The following JCAD variants were observed in gnomAD, a reference collection of about 807,000 sequenced individuals.
The protein encoded by JCAD is junctional cadherin 5-associated protein.
In JCAD, 40 loss-of-function variants were observed where a neutral mutation model predicts 98.0. That is an observed-to-expected ratio of 0.41 (90% confidence interval 0.32 to 0.53). The LOEUF is 0.53. Ranked by LOEUF, JCAD falls within the 20% of genes least tolerant of loss-of-function variation. The pLI is 0.31. For missense variants in JCAD, 1,705 were observed against 1,738.1 expected (o/e 0.98, Z 0.34); for synonymous variants, 691 against 682.3 (o/e 1.01, Z -0.20).
At chr10:30,090,317 G>A (rs1838238703) in intron 1 of JCAD, among the ~76,000 whole-genome samples, 1 of 152,196 alleles carries the variant, frequency 6.6e-6, no homozygotes, top group South Asian at 2.1e-4. Flanking sequence ...TGAGGCGGGT[G>A]GATCACTTGA....
At chr10:30,075,580 C>G (rs977716940) in intron 1 of JCAD, among the ~76,000 whole-genome samples, 2 of 152,170 alleles carry the variant, frequency 1.3e-5, no homozygotes, top group Non-Finnish European at 2.9e-5. Flanking sequence ...AAAGCCCTAC[C>G]CTTTCTTAAC....
At chr10:30,099,803 T>A (rs1003420458) in intron 1 of JCAD, among the ~76,000 whole-genome samples, 3 of 152,134 alleles carry the variant, frequency 2.0e-5, no homozygotes, top group African/African-American at 7.2e-5. Flanking sequence ...CTTAACTTCC[T>A]CGTAAAGTAA....
At chr10:30,088,977 C>CA (rs1447408428) in intron 1 of JCAD, among the ~76,000 whole-genome samples, 5 of 151,992 alleles carry the variant, frequency 3.3e-5, no homozygotes, top group African/African-American at 1.2e-4. Flanking sequence ...GATGCCATCT[C>CA]AAAAAATAAA....
chr10:30,107,367 T>C (rs1031616461), intron 1 of JCAD, among the ~76,000 whole-genome samples: 8 of 152,226 alleles, frequency 5.3e-5, no homozygotes, highest in African/African-American at 1.4e-4. Flanking sequence ...CTGCTCATTA[T>C]ATGCTAATTA....
intron 2 of JCAD, among the ~76,000 whole-genome samples, chr10:30,066,579 C>G (rs556910018): frequency 6.6e-6 from 1 of 152,178 alleles, no homozygotes; most frequent in Non-Finnish European, 1.5e-5. Context: ...CGGGGGGATG[C>G]CAATGTGGCT....
At chr10:30,063,982 T>C (rs1353175336), upstream of JCAD, among the ~76,000 whole-genome samples, 1 of 152,148 alleles carries the variant, frequency 6.6e-6, no homozygotes, top group Non-Finnish European at 1.5e-5. Context: ...AATTTTTGCA[T>C]TTTTAGTAGA....
intron 1 of JCAD, among the ~76,000 whole-genome samples, chr10:30,082,851 C>CA (rs57450219): frequency 0.019 from 1,285 of 68,332 alleles, 60 homozygotes; most frequent in East Asian, 0.036. Context: ...AACTCTGTCT[C>CA]AAAAAAAAAA....
At chr10:30,036,714 C>T (rs1298278007) in intron 2 of JCAD, among the ~76,000 whole-genome samples, 1 of 152,258 alleles carries the variant, frequency 6.6e-6, no homozygotes, top group Non-Finnish European at 1.5e-5. Context: ...ACCCTTCCCT[C>T]CTCCATGAAC....
intron 2 of JCAD, 24 bp downstream of exon 2, chr10:30,047,508 C>T (rs761960456): frequency 1.6e-5 from 26 of 1,592,948 alleles, no homozygotes; most frequent in East Asian, 1.1e-4. Flanking sequence ...CAAAAGAAAA[C>T]GGTGGGTTCA....
chr10:30,044,940 AG>A, intron 2 of JCAD: 1 of 227,628 alleles, frequency 4.4e-6, no homozygotes, highest in Non-Finnish European at 7.3e-6. Flanking sequence ...TTTCTACCCT[AG>A]GAGCCAACCT....
chr10:30,021,759 G>C (rs1301362213), intron 3 of JCAD, among the ~76,000 whole-genome samples: 2 of 152,120 alleles, frequency 1.3e-5, no homozygotes, highest in African/African-American at 4.8e-5. Context: ...TACAATATTG[G>C]ACAGCACAGG....
intron 1 of JCAD, among the ~76,000 whole-genome samples, chr10:30,087,934 G>T (rs868360482): frequency 6.6e-6 from 1 of 152,174 alleles, no homozygotes; most frequent in Admixed American, 6.6e-5. Flanking sequence ...TCTGCCTCCC[G>T]GGTTGAAGCC....
chr10:30,072,828 T>A (rs1402650509), intron 1 of JCAD, among the ~76,000 whole-genome samples: 2 of 152,124 alleles, frequency 1.3e-5, no homozygotes, highest in African/African-American at 4.8e-5. Context: ...GTTTTTGTAT[T>A]TTTAGTAGAG....
Position 30,027,589 on chromosome 10 carries a change from G to GCTGCTGCTGCTA in JCAD, c.2558_2559insTAGCAGCAGCAG (p.Ser856_Ser859dup). ...TCTCCTCACTGCTGCTGCTGCTGCT[G>GCTGCTGCTGCTA]CTGCTGCTACTGCTGCTTTCTTCCT... On this transcript the variant is annotated inframe_insertion, in exon 3 of 4. Coordinates refer to ENST00000375377, the MANE Select transcript of JCAD (RefSeq NM_020848.4). 1 of 1,614,208 alleles carries GCTGCTGCTGCTA rather than the reference G, an allele frequency of 6.2e-7. No homozygotes were observed. Among genetic ancestry groups the GCTGCTGCTGCTA allele is most frequent in the Non-Finnish European group, 8.5e-7 (1 of 1,180,024 alleles).
At chr10:30,092,852 G>T (rs1838307594) in intron 1 of JCAD, among the ~76,000 whole-genome samples, 2 of 152,114 alleles carry the variant, frequency 1.3e-5, no homozygotes, top group South Asian at 4.1e-4. Context: ...TTACTGCTTA[G>T]CATCTCCAAC....
chr10:30,017,766 G>C lies in JCAD; in HGVS notation c.*117C>G. ...CAGTGGTAAAGAATGTTATCAGGAT[G>C]CTAAAAACTCAGCAGCTTCCAGCTT... On this transcript the variant is annotated 3_prime_UTR_variant, in exon 4 of 4. Transcript: ENST00000375377. The C allele has an allele frequency of 2.2e-6, 2 of 890,204 alleles. No individual in the cohort carries two copies. Among genetic ancestry groups the C allele is most frequent in the East Asian group, 5.0e-5 (2 of 40,066 alleles). The allele number at this position is 890,204 out of a possible 1,614,324, so 55.1% of individuals were successfully genotyped here.
chr10:30,114,846 G>A (rs953012731), intron 1 of JCAD, among the ~76,000 whole-genome samples: 2 of 151,964 alleles, frequency 1.3e-5, no homozygotes, highest in Non-Finnish European at 2.9e-5. Context: ...TAGATAGATA[G>A]ATAGATAGAT....
In JCAD at chr10:30,028,086, C is replaced by A; in HGVS notation, c.2062G>T (p.Asp688Tyr). The change falls in exon 3 of 4, where the codon GAT becomes TAT. Residue 688 changes from aspartate to tyrosine, a missense_variant. Physicochemically the swap from Asp to Tyr is radical, Grantham distance 160. Coordinates refer to ENST00000375377, the MANE Select transcript of JCAD (RefSeq NM_020848.4). The part of the protein sequence containing the change: ...SGSWPGHRYR[D>Y]QQTQTSFSEE... Reference sequence around the variant, plus strand: ...GAGAAACTGGTTTGTGTTTGCTGATCTCTGTACCGGTGCCCTGGCCAAGAG... The same window carrying A: ...GAGAAACTGGTTTGTGTTTGCTGATATCTGTACCGGTGCCCTGGCCAAGAG... 4 of 1,614,230 alleles carry A rather than the reference C, an allele frequency of 2.5e-6. No homozygotes were observed. Among genetic ancestry groups the A allele is most frequent in the Non-Finnish European group, 3.4e-6 (4 of 1,180,050 alleles).
At chr10:30,037,393 AAG>A (rs1796573335) in intron 2 of JCAD, among the ~76,000 whole-genome samples, 1 of 152,212 alleles carries the variant, frequency 6.6e-6, no homozygotes, top group Non-Finnish European at 1.5e-5. Context: ...TCAGTCAGAA[AAG>A]AGAAAACTGC....
Sources: gnomAD v4.1 joint callset for allele counts (sites outside exome capture counted in the v4.1 genomes callset) on GRCh38, gnomAD v4.1.1 for gene constraint, MANE v1.5 for transcripts, NCBI Gene and HGNC (gene_info 2026-07-23, HGNC 2026-07-21) for gene names.